The following ACBD5 variants were observed in gnomAD, a reference collection of about 807,000 sequenced individuals.
ACBD5 encodes acyl-CoA binding domain containing 5, also known as acyl-CoA-binding domain-containing protein 5.
A neutral mutation model predicts 71.8 loss-of-function variants in ACBD5; 40 were observed. The observed-to-expected ratio is 0.56, with a 90% confidence interval of 0.43 to 0.72. The LOEUF is 0.72. Ranked by LOEUF, ACBD5 falls within the 30% of genes least tolerant of loss-of-function variation. The probability of loss-of-function intolerance (pLI) is 0.00; values close to 1 mark genes in which losing one functional copy is unlikely to be tolerated. For missense variants in ACBD5, 559 were observed against 644.5 expected (o/e 0.87, Z 1.44); for synonymous variants, 229 against 218.6 (o/e 1.05, Z -0.42).
intron 3 of ACBD5, among the ~76,000 whole-genome samples, chr10:27,233,719 CA>C (rs1190552132): frequency 6.7e-6 from 1 of 150,158 alleles, no homozygotes; most frequent in Non-Finnish European, 1.5e-5. Context: ...ACCCTGTGTC[CA>C]AAAAAAAGGT....
At chr10:27,228,509 G>A (rs974608338) in intron 4 of ACBD5, among the ~76,000 whole-genome samples, 2 of 151,704 alleles carry the variant, frequency 1.3e-5, no homozygotes, top group African/African-American at 4.8e-5. Context: ...CCGAGGAGGC[G>A]GACGTTGCAG....
At position 27,195,752 on chromosome 10, in the gene ACBD5, T is replaced by C. The variant is rs1337249430; in HGVS notation, c.*1678A>G. The stretch of plus-strand genomic sequence containing the variant: ...ATTAAAGTTATTTGAAAGAAAAAAA[T>C]AAGGAAAAAGAGTTTGGGAAAAGTA... On this transcript the variant is annotated 3_prime_UTR_variant, in exon 13 of 13. Transcript: ENST00000396271. 2.4e-6 allele frequency: 1 copy of C among 414,354 alleles called. No homozygotes were observed. Among genetic ancestry groups the C allele is most frequent in the African/African-American group, 2.1e-5 (1 of 47,608 alleles). 25.7% of individuals were successfully genotyped at this position (414,354 alleles called of 1,614,324 possible).
intron 8 of ACBD5, among the ~76,000 whole-genome samples, chr10:27,212,642 G>A (rs1371702953): frequency 4.0e-5 from 6 of 148,982 alleles, no homozygotes; most frequent in Admixed American, 2.7e-4. Context: ...GCAGTGGTGC[G>A]ATCTTGGCTC....
At position 27,196,252 on chromosome 10, in the gene ACBD5, C is replaced by T. The variant is rs1564535188; in HGVS notation, c.*1178G>A. 2.2e-6 allele frequency: 1 copy of T among 453,972 alleles called. No individual in the cohort carries two copies. The allele number at this position is 453,972 out of a possible 1,614,324, so 28.1% of individuals were successfully genotyped here. A position where few individuals can be genotyped will look rare whatever the true frequency, so the allele number is the denominator to read the frequency against. On this transcript the variant is annotated 3_prime_UTR_variant, in exon 13 of 13. Transcript: ENST00000396271. Reference sequence around the variant, plus strand: ...CTGCATCAAAGAAATCTTCAAAGCACAAGGTACATCTAAGTGAGCAGGAAG... The same window carrying T: ...CTGCATCAAAGAAATCTTCAAAGCATAAGGTACATCTAAGTGAGCAGGAAG...
intron 12 of ACBD5, among the ~76,000 whole-genome samples, chr10:27,202,099 C>T (rs965707144): frequency 6.6e-6 from 1 of 152,140 alleles, no homozygotes; most frequent in Non-Finnish European, 1.5e-5. Context: ...TCATCTCTAA[C>T]ACAGAACCTA....
chr10:27,237,301 C>T (rs1451538810), intron 2 of ACBD5, among the ~76,000 whole-genome samples: 1 of 152,116 alleles, frequency 6.6e-6, no homozygotes, highest in Non-Finnish European at 1.5e-5. Context: ...AAGGTGCTCA[C>T]ACATGATGTA....
chr10:27,195,665 T>A lies in ACBD5; in HGVS notation c.*1765A>T, dbSNP rs1189945506. The A allele has an allele frequency of 7.1e-6, 3 of 420,712 alleles. No individual in the cohort carries two copies. Among genetic ancestry groups the A allele is most frequent in the South Asian group, 1.7e-5 (1 of 57,430 alleles). The allele number at this position is 420,712 out of a possible 1,614,324, so 26.1% of individuals were successfully genotyped here. Reference sequence around the variant, plus strand: ...CCTAAATAAATAGGGAACACTTTTTTAAAAGCAAATAGTAGTAGATCCCTT... The same window carrying A: ...CCTAAATAAATAGGGAACACTTTTTAAAAAGCAAATAGTAGTAGATCCCTT... On this transcript the variant is annotated 3_prime_UTR_variant, in exon 13 of 13. Coordinates refer to ENST00000396271, the MANE Select transcript of ACBD5 (RefSeq NM_145698.5).
intron 6 of ACBD5, among the ~76,000 whole-genome samples, chr10:27,218,509 T>A (rs1019958743): frequency 6.6e-6 from 1 of 152,018 alleles, no homozygotes; most frequent in East Asian, 1.9e-4. Flanking sequence ...GGGGTCCACA[T>A]AGCTGATAAA....
chr10:27,228,810 TA>T (rs1564691516), intron 4 of ACBD5, among the ~76,000 whole-genome samples: 39 of 5,376 alleles, frequency 7.3e-3, no homozygotes, highest in African/African-American at 0.01. Context: ...TATATATATA[TA>T]TATATTTTTT....
At position 27,216,950 on chromosome 10, in the gene ACBD5, T is replaced by A. The variant is rs547141407; in HGVS notation, c.829+1030A>T. Among the ~76,000 whole-genome samples, 8 of 151,302 alleles carry A rather than the reference T, an allele frequency of 5.3e-5. No homozygotes were observed. The East Asian group carries it at 1.6e-3, about 30-fold the overall frequency. On this transcript the variant is annotated intron_variant, in intron 7 of 12. Transcript: ENST00000396271. ...TCACAAGGTCAGGAGATCGAGACCA[T>A]CCTGGCTAACACGGTGAAACCCCGT...
At chr10:27,208,612 C>T (rs557399138) in intron 9 of ACBD5, among the ~76,000 whole-genome samples, 167 bp from the exon 10 acceptor site, 2 of 152,200 alleles carry the variant, frequency 1.3e-5, no homozygotes, top group Admixed American at 6.6e-5. Context: ...CTGAGACGGG[C>T]GGATCACCTG....
intron 7 of ACBD5, among the ~76,000 whole-genome samples, chr10:27,217,455 CA>C (rs34616799): frequency 0.22 from 24,957 of 115,394 alleles, 2,462 homozygotes; most frequent in Middle Eastern, 0.33. Flanking sequence ...GACACCATCT[CA>C]AAAAAAAAAA....
intron 13 of ACBD5, among the ~76,000 whole-genome samples, chr10:27,188,102 G>A (rs2058883172): frequency 6.6e-6 from 1 of 152,220 alleles, no homozygotes; most frequent in East Asian, 1.9e-4. Flanking sequence ...TTGACAAAAT[G>A]TACAAATTTA....
At chr10:27,183,535 G>A (rs1006247273) in intron 13 of ACBD5, among the ~76,000 whole-genome samples, 2 of 151,842 alleles carry the variant, frequency 1.3e-5, no homozygotes, top group African/African-American at 4.8e-5. Context: ...CTCCTGCCTC[G>A]GCCTCCCAAA....
chr10:27,217,167 G>A (rs887469272), intron 7 of ACBD5, among the ~76,000 whole-genome samples: 2 of 108,826 alleles, frequency 1.8e-5, no homozygotes, highest in Admixed American at 1.9e-4. Context: ...AAAAAAAGAT[G>A]TTTCTCGGCC....
chr10:27,207,498 A>G (rs1178337034), intron 10 of ACBD5, among the ~76,000 whole-genome samples: 1 of 152,132 alleles, frequency 6.6e-6, no homozygotes, highest in Non-Finnish European at 1.5e-5. Context: ...TCTTTGATTA[A>G]TCCCTACAAA....
rs375626738 is a variant in ACBD5 at position 27,235,193 on chromosome 10, A to G, written c.201T>C (p.Asn67=). 11 of 1,613,874 alleles carry G rather than the reference A, an allele frequency of 6.8e-6. No homozygotes were observed. The African/African-American group carries it at 1.3e-4, about 20-fold the overall frequency. Residue 67 remains asparagine (N), a synonymous_variant, in exon 3 of 13, where the codon AAT becomes AAC. Coordinates refer to ENST00000396271, the MANE Select transcript of ACBD5 (RefSeq NM_145698.5). ...LPKNGSFQPT[N]EMMLKFYSFY... is the part of the protein sequence containing the mutation. ...AGCTATAAAATTTAAGCATCATTTCATTTGTTGGCTGGAATGAACCTGTTG... is the reference window on the plus strand; with the variant it reads ...AGCTATAAAATTTAAGCATCATTTCGTTTGTTGGCTGGAATGAACCTGTTG...
chr10:27,208,129 T>C, intron 10 of ACBD5, 117 bp downstream of exon 10: 3 of 1,103,362 alleles, frequency 2.7e-6, no homozygotes, highest in Non-Finnish European at 4.1e-6. Flanking sequence ...AACCAAGTTC[T>C]ATTTTCTAAA....
Position 27,208,103 on chromosome 10 carries a change from TAAAC to T in ACBD5, c.1404+139_1404+142del, listed in dbSNP as rs1056744393. On this transcript the variant is annotated intron_variant, in intron 10 of 12. Transcript: ENST00000396271. ...ATTAGTTTCTGGGTCAGTCTTTTCT[TAAAC>T]AATATTTTCAAAACCAAGTTCTATT... 2.1e-4 allele frequency: 180 copies of T among 853,814 alleles called. 2 individuals carry two copies. In the African/African-American group the frequency reaches 2.6e-3, roughly 12 times the overall value. The allele number at this position is 853,814 out of a possible 1,614,324, so 52.9% of individuals were successfully genotyped here. A position where few individuals can be genotyped will look rare whatever the true frequency, so the allele number is the denominator to read the frequency against.
Sources: gnomAD v4.1 joint callset for allele counts (sites outside exome capture counted in the v4.1 genomes callset) on GRCh38, gnomAD v4.1.1 for gene constraint, MANE v1.5 for transcripts, NCBI Gene and HGNC (gene_info 2026-07-23, HGNC 2026-07-21) for gene names.